The following ALPK1 variants were observed in gnomAD, a reference collection of about 807,000 sequenced individuals.
ALPK1 encodes alpha kinase 1, also known as alpha-protein kinase 1.
In ALPK1, 110 loss-of-function variants were observed where a neutral mutation model predicts 120.6. The ratio of observed to expected loss-of-function variants is 0.91; its 90% CI spans 0.78 to 1.07. The LOEUF is 1.07. Ranked by LOEUF, ALPK1 falls within the 50% of genes least tolerant of loss-of-function variation. The pLI is 0.00. For synonymous variants in ALPK1, 582 were observed against 560.3 expected (o/e 1.04, Z -0.55); for missense variants, 1,498 against 1,483.9 (o/e 1.01, Z -0.16).
At chr4:112,373,321 T>G (rs954376559) in intron 2 of ALPK1, among the ~76,000 whole-genome samples, 2 of 152,206 alleles carry the variant, frequency 1.3e-5, no homozygotes, top group African/African-American at 4.8e-5. Flanking sequence ...CTCTTTGCAA[T>G]AGCAGTATGA....
chr4:112,414,300 G>A, intron 5 of ALPK1: 1 of 495,014 alleles, frequency 2.0e-6, no homozygotes, highest in South Asian at 1.5e-5. Flanking sequence ...GTAGTGGGAT[G>A]TCAGAAGCAA....
At chr4:112,337,266 C>T (rs1227943359) in intron 2 of ALPK1, among the ~76,000 whole-genome samples, 1 of 152,134 alleles carries the variant, frequency 6.6e-6, no homozygotes. Context: ...AATAAAAGCA[C>T]ATTTTATACT....
Position 112,381,910 on chromosome 4 carries a change from G to T in ALPK1, c.122-488G>T, listed in dbSNP as rs542361031. Among the ~76,000 whole-genome samples, 11 of 152,252 alleles carry T rather than the reference G, an allele frequency of 7.2e-5. No homozygotes were observed. The East Asian group carries it at 2.1e-3, about 29-fold the overall frequency. On this transcript the variant is annotated intron_variant, in intron 3 of 15. Transcript: ENST00000650871. ...TCAAATCTGATATGTGTTTTTCGTA[G>T]TTATTTTCTGTATTCAAATGTAGTC...
chr4:112,368,217 C>G (rs1266237033), intron 2 of ALPK1, among the ~76,000 whole-genome samples: 1 of 152,158 alleles, frequency 6.6e-6, no homozygotes, highest in Non-Finnish European at 1.5e-5. Context: ...TGATCCCCAC[C>G]TAGAGTGAAT....
chr4:112,351,761 G>A (rs528375893), intron 2 of ALPK1, among the ~76,000 whole-genome samples: 37 of 152,248 alleles, frequency 2.4e-4, no homozygotes, highest in South Asian at 1.7e-3. Context: ...GATGTGAGCC[G>A]CTGTGCCCAG....
chr4:112,336,715 C>A (rs1309170324), intron 2 of ALPK1, among the ~76,000 whole-genome samples: 1 of 152,036 alleles, frequency 6.6e-6, no homozygotes, highest in Non-Finnish European at 1.5e-5. Context: ...TGTTCATGGT[C>A]TTGGTCAGGT....
rs779703332 is a variant in ALPK1, at chr4:112,377,880, G to A, written c.103G>A (p.Glu35Lys). 16 of 1,612,656 alleles carry A rather than the reference G, an allele frequency of 9.9e-6. No individual in the cohort carries two copies. The highest frequency in any genetic ancestry group is 2.2e-5 in the East Asian group (1 of 44,842). Residue 35 changes from glutamate to lysine, a missense_variant, in exon 3 of 16, where the codon GAG (glutamate) becomes AAG (lysine). Physicochemically the swap from Glu to Lys is moderately conservative, Grantham distance 56 (BLOSUM62 1). Coordinates refer to ENST00000650871, the MANE Select transcript of ALPK1 (RefSeq NM_025144.4). ...APDVSEEDKS[E>K]DQRCRALLPS... Reference sequence around the variant, plus strand: ...AGATGTGTCGGAAGAGGACAAGAGCGAGGACCAGCGCTGCAGAGGTGAGGT... The same window carrying A: ...AGATGTGTCGGAAGAGGACAAGAGCAAGGACCAGCGCTGCAGAGGTGAGGT...
At chr4:112,307,609 T>C (rs944145835) in intron 1 of ALPK1, among the ~76,000 whole-genome samples, 5 of 152,194 alleles carry the variant, frequency 3.3e-5, no homozygotes, top group Non-Finnish European at 5.9e-5. Flanking sequence ...GGTAGATCTT[T>C]CTCCATCCCT....
chr4:112,433,379 A>G (rs547658344), intron 11 of ALPK1, among the ~76,000 whole-genome samples: 5 of 152,286 alleles, frequency 3.3e-5, no homozygotes, highest in African/African-American at 1.2e-4. Context: ...CACTCATCCC[A>G]TCTATGAGGA....
At chr4:112,351,706 T>C (rs994586284) in intron 2 of ALPK1, among the ~76,000 whole-genome samples, 4 of 152,150 alleles carry the variant, frequency 2.6e-5, no homozygotes, top group Non-Finnish European at 4.4e-5. Context: ...ACTTCTGACC[T>C]CAGGTGATCT....
chr4:112,406,466 C>T (rs1353411030), intron 4 of ALPK1, among the ~76,000 whole-genome samples: 1 of 152,028 alleles, frequency 6.6e-6, no homozygotes, highest in Non-Finnish European at 1.5e-5. Flanking sequence ...AAAAGGATAC[C>T]CCAAAGTAAG....
At chr4:112,317,447 C>T (rs1312607140) in intron 2 of ALPK1, among the ~76,000 whole-genome samples, 1 of 152,130 alleles carries the variant, frequency 6.6e-6, no homozygotes, top group Non-Finnish European at 1.5e-5. Context: ...TCACTTCATT[C>T]TTCTGTATGT....
chr4:112,357,747 G>A (rs1730708514), intron 2 of ALPK1: 3 of 1,318,170 alleles, frequency 2.3e-6, no homozygotes, highest in South Asian at 1.2e-5. Context: ...CTTTGGGGAA[G>A]GCTCTGGGCA....
intron 1 of ALPK1, among the ~76,000 whole-genome samples, chr4:112,309,306 T>C (rs1035976463): frequency 2.6e-5 from 4 of 152,116 alleles, no homozygotes; most frequent in Admixed American, 6.5e-5. Context: ...TCTGCCGAGG[T>C]TTCTGCTGCC....
chr4:112,334,446 A>AAT (rs1466045071), intron 2 of ALPK1, among the ~76,000 whole-genome samples: 1 of 150,354 alleles, frequency 6.7e-6, no homozygotes, highest in Non-Finnish European at 1.5e-5. Flanking sequence ...AAAAAAAAAA[A>AAT]AGAAAAGAAA....
intron 2 of ALPK1, among the ~76,000 whole-genome samples, chr4:112,368,587 A>G (rs1731258280): frequency 6.6e-6 from 1 of 152,202 alleles, no homozygotes; most frequent in African/African-American, 2.4e-5. Context: ...TTTTTTAAAG[A>G]AAGGATTATA....
In ALPK1 at chr4:112,431,591, A is replaced by G; in HGVS notation, c.2044A>G (p.Ile682Val). Residue 682 changes from isoleucine (I) to valine (V), a missense_variant, in exon 11 of 16, where the codon ATT becomes GTT. By Grantham distance (29) the Ile-to-Val change is conservative (BLOSUM62 3). Coordinates refer to ENST00000650871, the MANE Select transcript of ALPK1 (RefSeq NM_025144.4). ...CTTCTCGCCTCATAATACCCCAGGC[A>G]TTTTCTTGGCCCCTGGTGCAGGGCT... ...TPFSPHNTPG[I>V]FLAPGAGLLE... is the part of the protein sequence containing the mutation. The G allele has an allele frequency of 6.2e-7, 1 of 1,614,188 alleles. No individual in the cohort carries two copies. The highest frequency in any genetic ancestry group is 8.5e-7 in the Non-Finnish European group (1 of 1,180,040).
chr4:112,341,594 T>C (rs971116596), intron 2 of ALPK1, among the ~76,000 whole-genome samples: 4 of 152,220 alleles, frequency 2.6e-5, no homozygotes, highest in African/African-American at 7.2e-5. Context: ...TTTATTGATC[T>C]TCTCCTCAAT....
chr4:112,304,797 T>C (rs1011625747), intron 1 of ALPK1, among the ~76,000 whole-genome samples: 2 of 152,112 alleles, frequency 1.3e-5, no homozygotes, highest in Non-Finnish European at 2.9e-5. Flanking sequence ...CCATTGCTTT[T>C]GGTGTTTTAG....
Sources: gnomAD v4.1 joint callset for allele counts (sites outside exome capture counted in the v4.1 genomes callset) on GRCh38, gnomAD v4.1.1 for gene constraint, MANE v1.5 for transcripts, NCBI Gene and HGNC (gene_info 2026-07-23, HGNC 2026-07-21) for gene names.